EHBP1: variants seen among roughly 807,000 people sequenced by gnomAD.
EHBP1 encodes EH domain binding protein 1.
In EHBP1, 55 loss-of-function variants were observed where a neutral mutation model predicts 144.0. That is an observed-to-expected ratio of 0.38 (90% CI 0.31 to 0.48). The LOEUF (loss-of-function observed/expected upper bound fraction) is 0.48, where lower values mean the gene tolerates loss of function less well. EHBP1 is among the 20% of genes least tolerant of loss of function. EHBP1 has a pLI of 0.98. For missense variants in EHBP1, 1,200 were observed against 1,364.2 expected (o/e 0.88, Z 1.90); for synonymous variants, 469 against 472.7 (o/e 0.99, Z 0.10).
intron 10 of EHBP1, among the ~76,000 whole-genome samples, chr2:62,930,142 A>G (rs2055869724): frequency 6.6e-6 from 1 of 152,078 alleles, no homozygotes; most frequent in Non-Finnish European, 1.5e-5. Context: ...CCACTACTTG[A>G]GAGGCTGAGG....
intron 2 of EHBP1, among the ~76,000 whole-genome samples, chr2:62,721,077 A>G (rs1194426992): frequency 6.6e-6 from 1 of 152,214 alleles, no homozygotes; most frequent in Non-Finnish European, 1.5e-5. Context: ...TTTTCTGTCC[A>G]AGGATGTAGT....
chr2:62,869,681 G>A (rs540508138), intron 9 of EHBP1, among the ~76,000 whole-genome samples: 1 of 152,310 alleles, frequency 6.6e-6, no homozygotes, highest in African/African-American at 2.4e-5. Flanking sequence ...GACTGGAAAT[G>A]TTTGGAAATG....
At chr2:62,681,534 T>C (rs908232089) in intron 1 of EHBP1, among the ~76,000 whole-genome samples, 1 of 151,716 alleles carries the variant, frequency 6.6e-6, no homozygotes, top group Non-Finnish European at 1.5e-5. Flanking sequence ...GGCTTGATGA[T>C]CTGAAGCCTG....
chr2:62,710,487 A>C (rs562135657), intron 2 of EHBP1, among the ~76,000 whole-genome samples: 10 of 151,262 alleles, frequency 6.6e-5, no homozygotes, highest in African/African-American at 2.2e-4. Flanking sequence ...TCTATGTCAT[A>C]TAAGAATTCC....
intron 18 of EHBP1, among the ~76,000 whole-genome samples, chr2:62,996,102 T>C (rs879885469): frequency 3.3e-5 from 5 of 152,126 alleles, no homozygotes; most frequent in Non-Finnish European, 7.4e-5. Flanking sequence ...AACTTCCCTT[T>C]TTATCATTTT....
intron 14 of EHBP1, among the ~76,000 whole-genome samples, chr2:62,958,356 G>A (rs923535208): frequency 6.6e-6 from 1 of 152,086 alleles, no homozygotes; most frequent in Non-Finnish European, 1.5e-5. Flanking sequence ...TCCTGATATA[G>A]CCATGCAATA....
chr2:62,752,588 C>T (rs1195298149), intron 3 of EHBP1, among the ~76,000 whole-genome samples: 2 of 152,100 alleles, frequency 1.3e-5, no homozygotes, highest in African/African-American at 4.8e-5. Context: ...GTGTTGAAGT[C>T]TCCCATTATT....
At chr2:62,746,115 T>C (rs895367324) in intron 2 of EHBP1, among the ~76,000 whole-genome samples, 1 of 152,064 alleles carries the variant, frequency 6.6e-6, no homozygotes, top group African/African-American at 2.4e-5. Context: ...TGAGGTAGCT[T>C]ACATTTGTTG....
chr2:62,686,354 T>C (rs1030579466), intron 1 of EHBP1, among the ~76,000 whole-genome samples: 1 of 152,246 alleles, frequency 6.6e-6, no homozygotes, highest in Non-Finnish European at 1.5e-5. Flanking sequence ...AATGCTTTAC[T>C]CCTAATTCCA....
chr2:62,797,569 T>G (rs1343905744), intron 5 of EHBP1, among the ~76,000 whole-genome samples: 1 of 152,244 alleles, frequency 6.6e-6, no homozygotes, highest in Non-Finnish European at 1.5e-5. Flanking sequence ...CTATAGTATG[T>G]GAAGAGCCAA....
chr2:62,784,575 G>C (rs1225182172), intron 5 of EHBP1, among the ~76,000 whole-genome samples: 4 of 152,154 alleles, frequency 2.6e-5, no homozygotes, highest in African/African-American at 4.8e-5. Context: ...CATGGGAAAG[G>C]CTTTATGGAG....
chr2:62,749,742 A>C (rs1028029686), intron 3 of EHBP1, among the ~76,000 whole-genome samples: 11 of 152,164 alleles, frequency 7.2e-5, no homozygotes, highest in Admixed American at 2.6e-4. Flanking sequence ...AGTGATGATG[A>C]GCATTTTTTC....
At chr2:62,690,329 C>T (rs1463212876) in intron 1 of EHBP1, among the ~76,000 whole-genome samples, 4 of 152,008 alleles carry the variant, frequency 2.6e-5, no homozygotes, top group East Asian at 1.9e-4. Flanking sequence ...TTTGAGAGGC[C>T]GAGGGAGGTG....
rs147903367 is a variant in EHBP1, at chr2:62,749,945, C to T, written c.162+2493C>T. Among the ~76,000 whole-genome samples the T allele has an allele frequency of 6.9e-3, 1,045 of 152,232 alleles. 17 individuals carry two copies. Among genetic ancestry groups the T allele is most frequent in the African/African-American group, 0.024 (990 of 41,522 alleles). On this transcript the variant is annotated intron_variant, in intron 3 of 22. Transcript: ENST00000431489. ...CCATTCTGTAGGTTGTCTGTTCACT[C>T]TCATGGTGGTTTCTTTTGCTGTGCA... is the stretch of plus-strand genomic sequence containing the variant.
At chr2:62,993,709 A>ACTATATATAGATAT in intron 17 of EHBP1, 41 bp downstream of exon 17, 1 of 1,285,548 alleles carries the variant, frequency 7.8e-7, no homozygotes, top group Non-Finnish European at 1.1e-6. Context: ...TTATGGTTTA[A>ACTATATATAGATAT]CTATATATAG....
At chr2:62,919,863 A>T (rs2054926788) in intron 10 of EHBP1, among the ~76,000 whole-genome samples, 1 of 152,194 alleles carries the variant, frequency 6.6e-6, no homozygotes, top group Non-Finnish European at 1.5e-5. Flanking sequence ...GAAAAGTACA[A>T]TAACTGAAAC....
intron 5 of EHBP1, among the ~76,000 whole-genome samples, chr2:62,811,097 A>C (rs2044964551): frequency 6.6e-6 from 1 of 152,244 alleles, no homozygotes; most frequent in Admixed American, 6.5e-5. Flanking sequence ...ATTTTATTCT[A>C]AAATCAATAT....
Position 62,948,984 on chromosome 2 carries a change from A to G in EHBP1, c.2138A>G (p.Asp713Gly), listed in dbSNP as rs138278043. 2.4e-5 allele frequency: 38 copies of G among 1,613,850 alleles called. No homozygotes were observed. The African/African-American group carries it at 4.9e-4, about 21-fold the overall frequency. Residue 713 changes from aspartate (D) to glycine (G), a missense_variant, in exon 13 of 23, where the codon GAT (aspartate) becomes GGT (glycine). Physicochemically the swap from Asp to Gly is moderately conservative, Grantham distance 94. Around this residue, in one of 6 missense-constraint regions of EHBP1, gnomAD observed 543 missense variants for 513.1 expected, o/e 1.06. Transcript: ENST00000431489. ...ENSRSLECRS[D>G]PESPIKKTSL... ...TCCAGATCCTTAGAATGCAGATCAG[A>G]TCCAGAATCTCCTATCAAAAAAACA...
chr2:62,774,364 C>G (rs2152381763), intron 5 of EHBP1, among the ~76,000 whole-genome samples: 1 of 147,814 alleles, frequency 6.8e-6, no homozygotes, highest in East Asian at 2.0e-4. Context: ...GAGCAAGACT[C>G]TGTCTCAAAA....
Sources: gnomAD v4.1 joint callset for allele counts (sites outside exome capture counted in the v4.1 genomes callset) on GRCh38, gnomAD v4.1.1 for gene constraint, gnomAD v4.1.1 regional missense constraint, MANE v1.5 for transcripts, NCBI Gene and HGNC (gene_info 2026-07-23, HGNC 2026-07-21) for gene names.